Variants in CDC42SE2 observed in about 807,000 individuals in gnomAD.
CDC42SE2 encodes the protein CDC42 small effector protein 2.
Under a neutral mutation model 11.5 loss-of-function variants are expected in CDC42SE2, and 3 were observed. That is an observed-to-expected ratio of 0.26 (90% CI 0.12 to 0.67). CDC42SE2 has a LOEUF of 0.67. CDC42SE2 is among the 30% of genes least tolerant of loss of function. The pLI, the probability that CDC42SE2 is intolerant of heterozygous loss-of-function variation, is 0.80. For synonymous variants in CDC42SE2, 33 were observed against 34.8 expected, an observed-to-expected ratio of 0.95 and a Z score of 0.18; for missense variants, 82 against 106.8, an observed-to-expected ratio of 0.77 and a Z score of 1.02.
chr5:131,337,380 C>A (rs1236623333), intron 2 of CDC42SE2, among the ~76,000 whole-genome samples: 1 of 152,244 alleles, frequency 6.6e-6, no homozygotes, highest in South Asian at 2.1e-4. Context: ...TCTGCCCCTA[C>A]TGGGGGGTGC....
At chr5:131,334,930 T>C (rs1459973380) in intron 2 of CDC42SE2, among the ~76,000 whole-genome samples, 3 of 152,220 alleles carry the variant, frequency 2.0e-5, no homozygotes, top group East Asian at 1.9e-4. Context: ...CCTGGATTCA[T>C]TGATTTTTTG....
At chr5:131,232,592 G>A in the CDC42SE2 span, among the ~76,000 whole-genome samples, 1 of 152,054 alleles carries the variant, frequency 6.6e-6, no homozygotes, top group Admixed American at 6.5e-5. Context: ...ACATTAGCCA[G>A]GTGTGTTGGC....
chr5:131,308,826 C>T (rs567209718), intron 1 of CDC42SE2, among the ~76,000 whole-genome samples: 5 of 152,276 alleles, frequency 3.3e-5, no homozygotes, highest in East Asian at 1.9e-4. Context: ...AGTTGCTTAT[C>T]AGCTTAGGGA....
intron 3 of CDC42SE2, among the ~76,000 whole-genome samples, chr5:131,365,758 G>A (rs950895232): frequency 6.6e-5 from 10 of 152,282 alleles, no homozygotes; most frequent in South Asian, 2.1e-4. Context: ...CAAGGCGGGC[G>A]GATCACGAGG....
intron 2 of CDC42SE2, among the ~76,000 whole-genome samples, chr5:131,320,612 C>A (rs1758166829): frequency 6.6e-6 from 1 of 151,664 alleles, no homozygotes; most frequent in South Asian, 2.1e-4. Flanking sequence ...CATGGTGGCG[C>A]ATGCTTGTAA....
At chr5:131,337,081 T>G (rs1027972413) in intron 2 of CDC42SE2, among the ~76,000 whole-genome samples, 3 of 152,214 alleles carry the variant, frequency 2.0e-5, no homozygotes, top group African/African-American at 7.2e-5. Context: ...GCTCTGTTTT[T>G]TCCGCATCTT....
rs1400368539 is a variant in CDC42SE2 at position 131,392,979 on chromosome 5, A to T, written c.*1888A>T. 6.6e-6 allele frequency: 1 copy of T among 152,360 alleles called. No individual in the cohort carries two copies. Among genetic ancestry groups the T allele is most frequent in the East Asian group, 1.9e-4 (1 of 5,340 alleles). 9.4% of individuals were successfully genotyped at this position (152,360 alleles called of 1,614,324 possible). On this transcript the variant is annotated 3_prime_UTR_variant, in exon 5 of 5. Transcript: ENST00000505065. ...GTACGAAGCCTTTGCTCAGGTTCTA[A>T]AATATGTTTGTCCTTGCACGAATTT...
At chr5:131,298,278 T>A (rs1251527923) in intron 1 of CDC42SE2, among the ~76,000 whole-genome samples, 1 of 151,774 alleles carries the variant, frequency 6.6e-6, no homozygotes, top group Non-Finnish European at 1.5e-5. Context: ...AATTTTTATT[T>A]TTTTTTTAAG....
chr5:131,320,229 A>AG (rs1758157610), intron 2 of CDC42SE2, among the ~76,000 whole-genome samples: 1 of 150,762 alleles, frequency 6.6e-6, no homozygotes, highest in Non-Finnish European at 1.5e-5. Context: ...TACTAAAAAT[A>AG]GAAAAAAAAA....
intron 3 of CDC42SE2, among the ~76,000 whole-genome samples, chr5:131,360,395 C>T (rs1479649440): frequency 6.6e-6 from 1 of 152,230 alleles, no homozygotes; most frequent in Non-Finnish European, 1.5e-5. Flanking sequence ...GCTGGGATTA[C>T]AGGCGTGAGC....
intron 2 of CDC42SE2, among the ~76,000 whole-genome samples, chr5:131,333,448 A>G (rs1239253720): frequency 1.3e-5 from 2 of 152,120 alleles, no homozygotes; most frequent in African/African-American, 4.8e-5. Context: ...TTGGCGATGC[A>G]GGCTCTCTTT....
intron 1 of CDC42SE2, among the ~76,000 whole-genome samples, chr5:131,306,848 G>A (rs953174620): frequency 6.6e-6 from 1 of 151,954 alleles, no homozygotes; most frequent in African/African-American, 2.4e-5. Flanking sequence ...ACTTTTTGGA[G>A]GCTATTGTGA....
intron 1 of CDC42SE2, among the ~76,000 whole-genome samples, chr5:131,300,957 C>A (rs535253198): frequency 6.6e-6 from 1 of 152,112 alleles, no homozygotes; most frequent in East Asian, 1.9e-4. Flanking sequence ...ATACATCTTA[C>A]TACATTCTTA....
chr5:131,324,198 G>T (rs184020492), intron 2 of CDC42SE2, among the ~76,000 whole-genome samples: 99 of 152,248 alleles, frequency 6.5e-4, no homozygotes, highest in African/African-American at 2.3e-3. Flanking sequence ...TGAATATCCA[G>T]CTGTAGCCTG....
chr5:131,325,951 A>G (rs1435408373), intron 2 of CDC42SE2, among the ~76,000 whole-genome samples: 1 of 152,196 alleles, frequency 6.6e-6, no homozygotes, highest in Admixed American at 6.5e-5. Context: ...CTTTGGTCAC[A>G]ATAATTGGTT....
intron 2 of CDC42SE2, among the ~76,000 whole-genome samples, chr5:131,324,116 T>C (rs1010808177): frequency 6.6e-6 from 1 of 152,378 alleles, no homozygotes; most frequent in East Asian, 1.9e-4. Context: ...GAAATTGTTA[T>C]TGCAGAGTAC....
intron 1 of CDC42SE2, among the ~76,000 whole-genome samples, chr5:131,307,011 A>G (rs1757792267): frequency 6.6e-6 from 1 of 152,058 alleles, no homozygotes; most frequent in Non-Finnish European, 1.5e-5. Flanking sequence ...TTTTCTACAC[A>G]TAAGATCATG....
chr5:131,222,089 C>T, the CDC42SE2 span, among the ~76,000 whole-genome samples: 4 of 152,330 alleles, frequency 2.6e-5, no homozygotes, highest in South Asian at 2.1e-4. Flanking sequence ...ACATAATGCT[C>T]ACATGGGTGA....
chr5:131,240,344 C>T, the CDC42SE2 span, among the ~76,000 whole-genome samples: 2 of 152,146 alleles, frequency 1.3e-5, no homozygotes, highest in East Asian at 1.9e-4. Context: ...ACCTGTCAAA[C>T]TACATTTAAT....
Sources: allele counts gnomAD v4.1 joint callset (sites outside exome capture counted in the v4.1 genomes callset), GRCh38; gene constraint gnomAD v4.1.1; transcripts MANE v1.5; gene names NCBI Gene and HGNC (gene_info 2026-07-23, HGNC 2026-07-21).